The following VMP1 variants were observed in gnomAD, a reference collection of about 807,000 sequenced individuals.
VMP1 encodes ectopic P-granules autophagy protein 3 homolog.
In VMP1, 11 loss-of-function variants were observed where a neutral mutation model predicts 56.0. The ratio of observed to expected loss-of-function variants is 0.20; its 90% confidence interval spans 0.12 to 0.32. The LOEUF (loss-of-function observed/expected upper bound fraction) is 0.32, where lower values mean the gene tolerates loss of function less well. Among genes scored for constraint, VMP1 ranks in the 10% least tolerant of loss-of-function variants. The probability of loss-of-function intolerance (pLI) is 1.00; values close to 1 mark genes in which losing one functional copy is unlikely to be tolerated. For missense variants in VMP1, 296 were observed against 490.3 expected (o/e 0.60, Z 3.74); for synonymous variants, 149 against 165.0 (o/e 0.90, Z 0.74).
intron 10 of VMP1, among the ~76,000 whole-genome samples, chr17:59,831,580 G>C (rs1049631128): frequency 6.6e-6 from 1 of 150,382 alleles, no homozygotes; most frequent in Non-Finnish European, 1.5e-5. Flanking sequence ...AGGGCTCTTG[G>C]CAGAATTTTG....
rs902183615 is a variant in VMP1, at chr17:59,713,939, G to T, written c.-27+6191G>T. Among the ~76,000 whole-genome samples the T allele has an allele frequency of 1.2e-4, 18 of 151,216 alleles. No individual in the cohort carries two copies. In the East Asian group the frequency reaches 1.4e-3, roughly 11 times the overall value. On this transcript the variant is annotated intron_variant, in intron 1 of 11. Transcript: ENST00000262291. ...ACCTGTAATCCCCACTGCTAGGGAGGCTGAGGCATTAGAATCGCTTGAACC... is the reference window on the plus strand; with the variant it reads ...ACCTGTAATCCCCACTGCTAGGGAGTCTGAGGCATTAGAATCGCTTGAACC...
chr17:59,804,677 G>A (rs779660141), intron 7 of VMP1, among the ~76,000 whole-genome samples: 5 of 148,186 alleles, frequency 3.4e-5, no homozygotes, highest in African/African-American at 7.5e-5. Flanking sequence ...AAATATGTTC[G>A]TGTTTATCAA....
In VMP1 at chr17:59,778,169, G is replaced by A. The variant is rs149731940; in HGVS notation, c.714+4284G>A. On this transcript the variant is annotated intron_variant, in intron 7 of 11. Transcript: ENST00000262291. ...AATTTGTATGTATTTTTCAGGCATC[G>A]TCTTTTCTGTTTGTTCAATTTGGAG... Among the ~76,000 whole-genome samples, 231 of 152,106 alleles carry A rather than the reference G, an allele frequency of 1.5e-3. 2 individuals are homozygous for A. Among genetic ancestry groups the A allele is most frequent in the Non-Finnish European group, 2.4e-3 (163 of 67,982 alleles).
At chr17:59,744,211 T>G (rs1192074789) in intron 5 of VMP1, among the ~76,000 whole-genome samples, 2 of 151,490 alleles carry the variant, frequency 1.3e-5, no homozygotes, top group East Asian at 3.9e-4. Flanking sequence ...CTGTAATCTC[T>G]GCACTTTGGG....
Position 59,839,520 on chromosome 17 carries a change from C to T in VMP1, c.1078-248C>T, listed in dbSNP as rs534725886. 2.4e-5 allele frequency: 11 copies of T among 462,946 alleles called. No individual in the cohort carries two copies. In the South Asian group the frequency reaches 3.3e-4, roughly 14 times the overall value. 28.7% of individuals were successfully genotyped at this position (462,946 alleles called of 1,614,324 possible). ...TCTTAGGTCCTAGTAGAAGAGCTAACCTCACACTCATCCCATTCTAAACTA... is the reference window on the plus strand; with the variant it reads ...TCTTAGGTCCTAGTAGAAGAGCTAATCTCACACTCATCCCATTCTAAACTA... On this transcript the variant is annotated intron_variant, in intron 11 of 11. Coordinates refer to ENST00000262291, the MANE Select transcript of VMP1 (RefSeq NM_030938.5).
intron 8 of VMP1, among the ~76,000 whole-genome samples, chr17:59,811,256 A>T (rs1004303165): frequency 2.1e-4 from 32 of 152,210 alleles, no homozygotes; most frequent in African/African-American, 7.7e-4. Flanking sequence ...CTGCTGAAAC[A>T]ATCTTAAGGC....
chr17:59,748,900 T>TC (rs2035535552), intron 5 of VMP1, among the ~76,000 whole-genome samples: 1 of 149,928 alleles, frequency 6.7e-6, no homozygotes, highest in Non-Finnish European at 1.5e-5. Flanking sequence ...ATTTATTTTT[T>TC]TTTTTTGAGA....
chr17:59,795,734 A>T (rs1463387274), intron 7 of VMP1, among the ~76,000 whole-genome samples: 1 of 152,168 alleles, frequency 6.6e-6, no homozygotes, highest in Non-Finnish European at 1.5e-5. Flanking sequence ...TGCAGTAGTA[A>T]TTGTGCTTAT....
At chr17:59,715,568 A>T (rs2034121219) in intron 1 of VMP1, among the ~76,000 whole-genome samples, 1 of 152,194 alleles carries the variant, frequency 6.6e-6, no homozygotes, top group African/African-American at 2.4e-5. Context: ...TCGGGATTAC[A>T]GTTTAGGTGG....
intron 5 of VMP1, among the ~76,000 whole-genome samples, chr17:59,752,060 G>A (rs571030128): frequency 3.9e-5 from 6 of 152,166 alleles, no homozygotes; most frequent in South Asian, 4.2e-4. Flanking sequence ...AGATCCTCTC[G>A]CCTCAGCCTC....
chr17:59,811,798 C>G lies in VMP1; in HGVS notation c.912+12C>G, dbSNP rs1302746329. Reference sequence around the variant, plus strand: ...AAATGCATATCCAGGTAATTATACCCCCTGATTCACTGCCTAATGATGATG... The same window carrying G: ...AAATGCATATCCAGGTAATTATACCGCCTGATTCACTGCCTAATGATGATG... On this transcript the variant is annotated intron_variant, in intron 9 of 11. Transcript: ENST00000262291. 1 of 1,504,964 alleles carries G rather than the reference C, an allele frequency of 6.6e-7. No individual in the cohort carries two copies. The highest frequency in any genetic ancestry group is 1.7e-5 in the Admixed American group (1 of 59,726). 93.2% of individuals were successfully genotyped at this position (1,504,964 alleles called of 1,614,324 possible).
At chr17:59,811,827 C>T in intron 9 of VMP1, 41 bp downstream of exon 9, 1 of 1,318,750 alleles carries the variant, frequency 7.6e-7, no homozygotes, top group Non-Finnish European at 1.1e-6. Flanking sequence ...GATGATGAAC[C>T]CATTACAAGA....
At chr17:59,831,150 T>C (rs2038793646) in intron 10 of VMP1, among the ~76,000 whole-genome samples, 1 of 152,182 alleles carries the variant, frequency 6.6e-6, no homozygotes, top group Non-Finnish European at 1.5e-5. Flanking sequence ...ATCTTACTTA[T>C]TTATTATCTA....
At chr17:59,750,200 C>T (rs908113043) in intron 5 of VMP1, among the ~76,000 whole-genome samples, 2 of 151,970 alleles carry the variant, frequency 1.3e-5, no homozygotes, top group Admixed American at 1.3e-4. Context: ...CGTTTTATTT[C>T]TCCAGCAAAT....
At chr17:59,717,206 G>A (rs923988570) in intron 1 of VMP1, among the ~76,000 whole-genome samples, 2 of 151,762 alleles carry the variant, frequency 1.3e-5, no homozygotes, top group African/African-American at 2.4e-5. Flanking sequence ...TCCTGACCTC[G>A]TGATCCGCCC....
Position 59,840,042 on chromosome 17 carries a change from GT to G in VMP1, c.*134del. 2 of 1,232,294 alleles carry G rather than the reference GT, an allele frequency of 1.6e-6. No homozygotes were observed. The highest frequency in any genetic ancestry group is 2.3e-6 in the Non-Finnish European group (2 of 887,838). 76.3% of individuals were successfully genotyped at this position (1,232,294 alleles called of 1,614,324 possible). A position where few individuals can be genotyped will look rare whatever the true frequency, so the allele number is the denominator to read the frequency against. On this transcript the variant is annotated 3_prime_UTR_variant, in exon 12 of 12. Transcript: ENST00000262291. ...TTTTACAACTTTTTTCCTGAAAGCA[GT>G]TTAGTCCATACTTTGCACTGACATA...
intron 10 of VMP1, among the ~76,000 whole-genome samples, chr17:59,829,171 T>C (rs751704909): frequency 7.2e-5 from 11 of 152,144 alleles, no homozygotes; most frequent in Admixed American, 3.9e-4. Flanking sequence ...AGTTAAATGG[T>C]AAAGATAATA....
intron 9 of VMP1, among the ~76,000 whole-genome samples, chr17:59,815,805 C>G (rs2038208049): frequency 1.4e-5 from 2 of 138,252 alleles, no homozygotes; most frequent in Non-Finnish European, 3.0e-5. Flanking sequence ...GCAGTGAGCC[C>G]AGATTGAGCC....
intron 10 of VMP1, among the ~76,000 whole-genome samples, chr17:59,820,849 T>C (rs1379499286): frequency 6.6e-6 from 1 of 152,270 alleles, no homozygotes; most frequent in Non-Finnish European, 1.5e-5. Flanking sequence ...CCCAGATTCT[T>C]CTATTTCCGC....
Sources: gnomAD v4.1 joint callset for allele counts (sites outside exome capture counted in the v4.1 genomes callset) on GRCh38, gnomAD v4.1.1 for gene constraint, MANE v1.5 for transcripts, NCBI Gene and HGNC (gene_info 2026-07-23, HGNC 2026-07-21) for gene names.